C2CD3: variants seen among roughly 807,000 people sequenced by gnomAD.
C2CD3 encodes C2 domain containing 3 centriole elongation regulator.
In C2CD3, 148 loss-of-function variants were observed where a neutral mutation model predicts 234.0. The observed-to-expected ratio is 0.63, with a 90% confidence interval of 0.55 to 0.72. The LOEUF (loss-of-function observed/expected upper bound fraction) is 0.72. Among genes scored for constraint, C2CD3 ranks in the 30% least tolerant of loss-of-function variants. The pLI, the probability that C2CD3 is intolerant of heterozygous loss-of-function variation, is 0.00. For missense variants in C2CD3, 2,577 were observed against 2,811.5 expected, an observed-to-expected ratio of 0.92 and a Z score of 1.89; for synonymous variants, 1,000 against 1,035.4, an observed-to-expected ratio of 0.97 and a Z score of 0.66.
At chr11:74,146,912 G>C (rs75936220) in intron 3 of C2CD3, among the ~76,000 whole-genome samples, 27,162 of 151,706 alleles carry the variant, frequency 0.18, 2,589 homozygotes, top group East Asian at 0.3. Flanking sequence ...AATTAGATGG[G>C]CGTGGTGACA....
intron 23 of C2CD3, among the ~76,000 whole-genome samples, chr11:74,077,805 A>C (rs1468892023): frequency 3.1e-4 from 6 of 19,410 alleles, no homozygotes; most frequent in Non-Finnish European, 3.0e-4. Context: ...ATATATATAT[A>C]TATATATATA....
chr11:74,101,221 G>C (rs1254646266), intron 14 of C2CD3, among the ~76,000 whole-genome samples: 2 of 152,156 alleles, frequency 1.3e-5, no homozygotes, highest in Admixed American at 1.3e-4. Flanking sequence ...CTCCAGAATT[G>C]GCCAGTTGAT....
chr11:74,168,127 G>T (rs1856924765), intron 2 of C2CD3: 1 of 505,478 alleles, frequency 2.0e-6, no homozygotes, highest in Non-Finnish European at 3.5e-6. Context: ...ATCTTTCAGG[G>T]TTATTGTAAG....
intron 24 of C2CD3, 64 bp from the exon 25 acceptor site, chr11:74,057,608 G>C: frequency 2.6e-6 from 4 of 1,530,280 alleles, no homozygotes; most frequent in Non-Finnish European, 3.6e-6. Flanking sequence ...GATTATACAG[G>C]CACAAGCAGG....
chr11:74,074,676 GT>G, intron 23 of C2CD3, 76 bp from the exon 24 acceptor site: 1 of 1,203,380 alleles, frequency 8.3e-7, no homozygotes. Flanking sequence ...CTCACTGAGG[GT>G]GCTGTGGTCC....
intron 24 of C2CD3, among the ~76,000 whole-genome samples, chr11:74,071,745 G>A (rs1954800913): frequency 6.6e-6 from 1 of 152,112 alleles, no homozygotes; most frequent in Non-Finnish European, 1.5e-5. Flanking sequence ...ATATTCCTAT[G>A]AGCATTTCCT....
chr11:74,125,627 A>G (rs1210163884), intron 7 of C2CD3, among the ~76,000 whole-genome samples: 2 of 152,086 alleles, frequency 1.3e-5, no homozygotes, highest in Non-Finnish European at 2.9e-5. Flanking sequence ...TTATATTACA[A>G]ATTTTTTGGT....
intron 28 of C2CD3, among the ~76,000 whole-genome samples, chr11:74,043,702 T>C (rs1386818478): frequency 1.3e-5 from 2 of 152,176 alleles, no homozygotes; most frequent in East Asian, 3.8e-4. Context: ...CTCATTGTGG[T>C]TTTGATTTGC....
chr11:74,055,426 C>A (rs1050220728), intron 25 of C2CD3, among the ~76,000 whole-genome samples: 5 of 152,180 alleles, frequency 3.3e-5, no homozygotes, highest in African/African-American at 1.2e-4. Context: ...AAGTTCCAAA[C>A]CAGGTGCCAG....
At chr11:74,024,212 T>C (rs1313115497) in intron 32 of C2CD3, among the ~76,000 whole-genome samples, 2 of 152,146 alleles carry the variant, frequency 1.3e-5, no homozygotes, top group Non-Finnish European at 2.9e-5. Flanking sequence ...ATGCTTCTTA[T>C]AAGAAACAAT....
At chr11:74,163,363 G>A (rs1442447497) in intron 2 of C2CD3, among the ~76,000 whole-genome samples, 1 of 152,100 alleles carries the variant, frequency 6.6e-6, no homozygotes, top group Non-Finnish European at 1.5e-5. Context: ...ATGACTTTAG[G>A]CAAATTACTT....
intron 24 of C2CD3, among the ~76,000 whole-genome samples, chr11:74,059,133 C>T (rs1440331997): frequency 2.0e-5 from 3 of 152,110 alleles, no homozygotes; most frequent in Non-Finnish European, 2.9e-5. Flanking sequence ...TAAACATAAT[C>T]GACATGCTCC....
chr11:74,045,234 T>C (rs914869464), intron 28 of C2CD3, among the ~76,000 whole-genome samples: 1 of 152,182 alleles, frequency 6.6e-6, no homozygotes, highest in African/African-American at 2.4e-5. Flanking sequence ...CACAGACACA[T>C]GGGTTTATTT....
At chr11:74,013,661 C>T (rs1951773265) in intron 32 of C2CD3, 136 bp from the exon 33 acceptor site, 2 of 462,028 alleles carry the variant, frequency 4.3e-6, no homozygotes, top group South Asian at 1.7e-4. Context: ...CTTTACGTAC[C>T]TTATCTTGCT....
chr11:74,028,189 T>C (rs984058448), intron 32 of C2CD3, 98 bp downstream of exon 32: 1 of 854,082 alleles, frequency 1.2e-6, no homozygotes, highest in African/African-American at 1.7e-5. Flanking sequence ...CTGCAGCCTT[T>C]CCAGGAAGAT....
rs564523520 is a variant in C2CD3, at chr11:74,042,735, A to T, written c.5496-517T>A. Reference sequence around the variant, plus strand: ...GCCACTGCACTCCAGCCTGGGAGACAGAGTGAGACTCTGTCTTAAAAAAAA... The same window carrying T: ...GCCACTGCACTCCAGCCTGGGAGACTGAGTGAGACTCTGTCTTAAAAAAAA... On this transcript the variant is annotated intron_variant, in intron 28 of 32. Transcript: ENST00000334126. Among the ~76,000 whole-genome samples the T allele has an allele frequency of 5.3e-5, 8 of 150,786 alleles. No homozygotes were observed. The East Asian group carries it at 1.6e-3, about 29-fold the overall frequency.
rs1856939353 is a variant in C2CD3 at position 74,168,378 on chromosome 11, A to G, written c.291T>C (p.Arg97=). Residue 97 remains arginine, a synonymous_variant, in exon 2 of 33, where the codon CGT becomes CGC. Coordinates refer to ENST00000334126, the MANE Select transcript of C2CD3 (RefSeq NM_001286577.2). Reference sequence around the variant, plus strand: ...AAGAGGTAAACTGTTTTGGACCACAACGAATAGCGTAACGTGTAGTTGTTC... The same window carrying G: ...AAGAGGTAAACTGTTTTGGACCACAGCGAATAGCGTAACGTGTAGTTGTTC... The part of the protein sequence containing the change: ...AVRTTTRYAI[R]CGPKQFTSYL... The G allele has an allele frequency of 1.2e-6, 2 of 1,614,032 alleles. No homozygotes were observed. The highest frequency in any genetic ancestry group is 1.3e-5 in the African/African-American group (1 of 74,948).
chr11:74,074,406 T>C lies in C2CD3; in HGVS notation c.4798A>G (p.Ile1600Val). The C allele has an allele frequency of 6.2e-7, 1 of 1,614,192 alleles. No homozygotes were observed. The highest frequency in any genetic ancestry group is 8.5e-7 in the Non-Finnish European group (1 of 1,180,030). Residue 1600 changes from isoleucine to valine, a missense_variant, in exon 24 of 33, where the codon ATC becomes GTC. Coordinates refer to ENST00000334126, the MANE Select transcript of C2CD3 (RefSeq NM_001286577.2). ...GCAGGAGACTTCTGGTGGCAGGAGA[T>C]GACTTCTGGTGGAGAGAGCTGGACC... The part of the protein sequence containing the change: ...DEVQLSPPEV[I>V]SCHQKSPAST...
chr11:74,026,254 C>G (rs889045360), intron 32 of C2CD3, among the ~76,000 whole-genome samples: 1 of 151,784 alleles, frequency 6.6e-6, no homozygotes, highest in African/African-American at 2.4e-5. Flanking sequence ...GTGCAGGGAG[C>G]TGTGATCACG....
Sources: gnomAD v4.1 joint callset for allele counts (sites outside exome capture counted in the v4.1 genomes callset) on GRCh38, gnomAD v4.1.1 for gene constraint, MANE v1.5 for transcripts, NCBI Gene and HGNC (gene_info 2026-07-23, HGNC 2026-07-21) for gene names.